PHF24: variants seen among roughly 807,000 people sequenced by gnomAD.
The protein encoded by PHF24 is PHD finger protein 24.
In PHF24, 25 loss-of-function variants were observed where a neutral mutation model predicts 42.6. The observed-to-expected ratio is 0.59, with a 90% CI of 0.43 to 0.82. The LOEUF is 0.82. Ranked by LOEUF, PHF24 falls within the 40% of genes least tolerant of loss-of-function variation. PHF24 has a pLI of 0.00. For missense variants in PHF24, 470 were observed against 538.1 expected (o/e 0.87, Z 1.25); for synonymous variants, 185 against 204.8 (o/e 0.90, Z 0.83).
chr9:34,713,549 A>C, the PHF24 span, among the ~76,000 whole-genome samples: 1 of 152,168 alleles, frequency 6.6e-6, no homozygotes, highest in Non-Finnish European at 1.5e-5. Context: ...GACTTCTGAA[A>C]GAGTCGATTC....
the PHF24 span, chr9:34,724,589 T>G: frequency 6.5e-7 from 1 of 1,535,254 alleles, no homozygotes; most frequent in African/African-American, 1.4e-5. Flanking sequence ...GATATGTGTC[T>G]GGAGTGAGTG....
chr9:34,799,936 G>A, the PHF24 span, among the ~76,000 whole-genome samples: 5 of 152,074 alleles, frequency 3.3e-5, no homozygotes, highest in African/African-American at 1.2e-4. Flanking sequence ...TAAATAATGT[G>A]TACACATTGA....
the PHF24 span, chr9:34,727,878 A>G: frequency 2.5e-5 from 18 of 707,072 alleles, no homozygotes; most frequent in East Asian, 4.0e-4. Flanking sequence ...TTCCCTGGCA[A>G]CCCTCTCACC....
At chr9:34,703,177 TA>T in the PHF24 span, among the ~76,000 whole-genome samples, 8 of 151,770 alleles carry the variant, frequency 5.3e-5, no homozygotes, top group Admixed American at 6.6e-5. Flanking sequence ...CCCCATAATT[TA>T]AATTTTTTTT....
At chr9:34,732,379 C>T in the PHF24 span, among the ~76,000 whole-genome samples, 1 of 152,096 alleles carries the variant, frequency 6.6e-6, no homozygotes, top group African/African-American at 2.4e-5. Context: ...TTTTCAGAGA[C>T]CTGTTTGCAA....
At chr9:34,894,473 C>A in the PHF24 span, 1 of 398,612 alleles carries the variant, frequency 2.5e-6, no homozygotes, top group Non-Finnish European at 4.4e-6. Context: ...TCCACAACTT[C>A]TCGGCTTCTT....
the PHF24 span, among the ~76,000 whole-genome samples, chr9:34,887,008 A>G: frequency 1.3e-5 from 2 of 152,240 alleles, no homozygotes; most frequent in African/African-American, 2.4e-5. Context: ...TTCTCCCACC[A>G]TCATCACCCA....
At chr9:34,675,013 C>A in the PHF24 span, among the ~76,000 whole-genome samples, 2 of 152,126 alleles carry the variant, frequency 1.3e-5, no homozygotes, top group Non-Finnish European at 2.9e-5. Context: ...CGTGCCACTA[C>A]ACCCCACTAA....
the PHF24 span, among the ~76,000 whole-genome samples, chr9:34,736,986 T>C: frequency 3.8e-3 from 586 of 152,324 alleles, 1 homozygote; most frequent in Middle Eastern, 0.01. Context: ...CTGCCAATCA[T>C]TGATTCTCTC....
the PHF24 span, among the ~76,000 whole-genome samples, chr9:34,793,965 G>C: frequency 6.6e-6 from 1 of 151,412 alleles, no homozygotes; most frequent in Non-Finnish European, 1.5e-5. Flanking sequence ...TCCATAGAGT[G>C]GGATAAATAA....
chr9:34,847,987 C>T, the PHF24 span, among the ~76,000 whole-genome samples: 9 of 151,598 alleles, frequency 5.9e-5, no homozygotes, highest in African/African-American at 2.2e-4. Flanking sequence ...TGATGTGCTG[C>T]TGGATTCGGT....
chr9:34,673,461 T>TTTG, the PHF24 span, among the ~76,000 whole-genome samples: 1 of 151,972 alleles, frequency 6.6e-6, no homozygotes, highest in East Asian at 1.9e-4. Flanking sequence ...GAGAAGCTTT[T>TTTG]TTGTTGTTGT....
chr9:34,730,019 G>A, the PHF24 span, among the ~76,000 whole-genome samples: 3 of 152,136 alleles, frequency 2.0e-5, no homozygotes, highest in East Asian at 1.9e-4. Flanking sequence ...GTGGTTGTAC[G>A]TATCTGGTCT....
chr9:34,721,743 C>A, the PHF24 span, among the ~76,000 whole-genome samples: 1 of 152,152 alleles, frequency 6.6e-6, no homozygotes, highest in African/African-American at 2.4e-5. Flanking sequence ...TCCAGTCACA[C>A]CTTCATCTCC....
chr9:34,973,558 G>A (rs986403124), intron 3 of PHF24, among the ~76,000 whole-genome samples: 11 of 152,158 alleles, frequency 7.2e-5, no homozygotes, highest in Admixed American at 5.9e-4. Flanking sequence ...TGCAGATATC[G>A]TCATTGTTTA....
the PHF24 span, among the ~76,000 whole-genome samples, chr9:34,729,734 C>T: frequency 5.9e-5 from 9 of 152,224 alleles, no homozygotes; most frequent in African/African-American, 2.2e-4. Flanking sequence ...CGGCTCTCTC[C>T]TTCACAACTG....
chr9:34,893,335 T>C, the PHF24 span, among the ~76,000 whole-genome samples: 1 of 152,144 alleles, frequency 6.6e-6, no homozygotes, highest in Non-Finnish European at 1.5e-5. Flanking sequence ...ACATAGTGGC[T>C]CATGCCTCTA....
the PHF24 span, among the ~76,000 whole-genome samples, chr9:34,763,776 A>G: frequency 6.6e-6 from 1 of 152,146 alleles, no homozygotes; most frequent in South Asian, 2.1e-4. Context: ...GTCTTGTGCC[A>G]GTTTTCAAAG....
the PHF24 span, among the ~76,000 whole-genome samples, chr9:34,802,038 C>T: frequency 1.3e-5 from 2 of 152,096 alleles, no homozygotes; most frequent in African/African-American, 4.8e-5. Context: ...AAAAAACCTG[C>T]ACATTCTGCA....
Sources: allele counts gnomAD v4.1 joint callset (sites outside exome capture counted in the v4.1 genomes callset), GRCh38; gene constraint gnomAD v4.1.1; transcripts MANE v1.5; gene names NCBI Gene and HGNC (gene_info 2026-07-23, HGNC 2026-07-21).